TNS3: variants seen among roughly 807,000 people sequenced by gnomAD.
The protein encoded by TNS3 is tensin-3.
In TNS3, 45 loss-of-function variants were observed where a neutral mutation model predicts 140.9. The ratio of observed to expected loss-of-function variants is 0.32; its 90% CI spans 0.25 to 0.41. TNS3 has a LOEUF of 0.41. TNS3 is among the 10% of genes least tolerant of loss of function. TNS3 has a pLI of 1.00. For synonymous variants in TNS3, 815 were observed against 788.4 expected, an observed-to-expected ratio of 1.03 and a Z score of -0.56; for missense variants, 1,716 against 1,906.7, an observed-to-expected ratio of 0.90 and a Z score of 1.86.
intron 3 of TNS3, among the ~76,000 whole-genome samples, chr7:47,495,629 T>C (rs1289471183): frequency 1.3e-5 from 2 of 152,034 alleles, no homozygotes; most frequent in African/African-American, 2.4e-5. Context: ...AAGATCCCAC[T>C]GGGAACCTAC....
chr7:47,368,805 C>G lies in TNS3; in HGVS notation c.1841G>C (p.Arg614Pro). The stretch of plus-strand genomic sequence containing the variant: ...GAGGCCAGGATTGTCTGCAGGGCAG[C>G]GGCTCACCAGCCGGGCCTCCCCATC... ...APDGEARLVSRCPADNPGLVQ... is the reference protein window; with the variant it reads ...APDGEARLVSPCPADNPGLVQ... The change falls in exon 17 of 31, where the codon CGC becomes CCC. Residue 614 changes from arginine to proline, a missense_variant. This residue lies in a region of TNS3 where 1,163 missense variants were observed against 1,182.1 expected (regional missense o/e 0.98). Transcript: ENST00000311160. The G allele has an allele frequency of 6.2e-7, 1 of 1,608,638 alleles. No homozygotes were observed. The highest frequency in any genetic ancestry group is 1.1e-5 in the South Asian group (1 of 90,216).
chr7:47,448,557 G>A (rs181520960), intron 4 of TNS3, among the ~76,000 whole-genome samples: 21 of 145,560 alleles, frequency 1.4e-4, no homozygotes, highest in Admixed American at 1.2e-3. Context: ...TCGGCTCACT[G>A]CAACCTCTGC....
At chr7:47,380,117 C>T (rs527904201) in intron 16 of TNS3, among the ~76,000 whole-genome samples, 86 of 152,340 alleles carry the variant, frequency 5.6e-4, no homozygotes, top group African/African-American at 1.8e-3. Context: ...TGGAATGTGG[C>T]GATAAAGGAG....
intron 16 of TNS3, among the ~76,000 whole-genome samples, chr7:47,384,895 T>A (rs1030338974): frequency 6.6e-5 from 10 of 152,174 alleles, no homozygotes; most frequent in African/African-American, 2.2e-4. Context: ...GCCTCTGAAA[T>A]CACAGAGGCC....
intron 2 of TNS3, among the ~76,000 whole-genome samples, chr7:47,511,746 G>A (rs1014180295): frequency 4.6e-5 from 7 of 152,246 alleles, no homozygotes; most frequent in Admixed American, 4.6e-4. Flanking sequence ...ACGAAGCAAG[G>A]GAAAATGCCT....
At chr7:47,299,282 T>G (rs189410339) in intron 23 of TNS3, among the ~76,000 whole-genome samples, 1 of 151,662 alleles carries the variant, frequency 6.6e-6, no homozygotes, top group Non-Finnish European at 1.5e-5. Context: ...GGACTACAAG[T>G]GTACACCACC....
intron 1 of TNS3, among the ~76,000 whole-genome samples, chr7:47,554,984 C>T (rs960174116): frequency 4.0e-5 from 6 of 149,120 alleles, no homozygotes; most frequent in Admixed American, 3.3e-4. Context: ...GCCGAGATTG[C>T]GCCACTGCAC....
At chr7:47,420,687 C>G (rs1244427793) in intron 10 of TNS3, among the ~76,000 whole-genome samples, 1 of 152,208 alleles carries the variant, frequency 6.6e-6, no homozygotes, top group Non-Finnish European at 1.5e-5. Context: ...CATGTGCCCG[C>G]TTGGGTCTCT....
rs1799304467 is a variant in TNS3 at position 47,529,136 on chromosome 7, TAA to T, written c.-255_-254del. The T allele has an allele frequency of 7.8e-7, 1 of 1,277,686 alleles. No individual in the cohort carries two copies. Among genetic ancestry groups the T allele is most frequent in the Non-Finnish European group, 1.0e-6 (1 of 984,344 alleles). The allele number at this position is 1,277,686 out of a possible 1,614,324, so 79.1% of individuals were successfully genotyped here. On this transcript the variant is annotated 5_prime_UTR_variant, in exon 2 of 31. Coordinates refer to ENST00000311160, the MANE Select transcript of TNS3 (RefSeq NM_022748.12). ...TCTTAAAAGCGTGCAGACTCGAGGT[TAA>T]TTCTTCCGGCTGAAAAAGTAAAGGA...
intron 4 of TNS3, among the ~76,000 whole-genome samples, chr7:47,469,745 G>A (rs1008740708): frequency 2.6e-5 from 4 of 152,224 alleles, no homozygotes; most frequent in East Asian, 1.9e-4. Flanking sequence ...AGGCCAGGGC[G>A]GGCGGATCAC....
rs139216807 is a variant in TNS3, at chr7:47,550,997, C to A, written c.-264-21850G>T. Among the ~76,000 whole-genome samples, 1,243 of 152,292 alleles carry A rather than the reference C, an allele frequency of 8.2e-3. 17 individuals carry two copies. Among genetic ancestry groups the A allele is most frequent in the African/African-American group, 0.028 (1,180 of 41,562 alleles). ...CTGAGCACATCTCCCAAGTCTGCAC[C>A]CAGCCAAGGAACATGAGCTCACTCA... On this transcript the variant is annotated intron_variant, in intron 1 of 30. Coordinates refer to ENST00000311160, the MANE Select transcript of TNS3 (RefSeq NM_022748.12).
chr7:47,316,094 TTCTCTCTCTCTC>T (rs56939479), intron 20 of TNS3, among the ~76,000 whole-genome samples: 18,936 of 105,860 alleles, frequency 0.18, 1,449 homozygotes, highest in South Asian at 0.35. Flanking sequence ...AACTAACTAT[TTCTCTCTCTCTC>T]TCTCTCTCTC....
intron 17 of TNS3, among the ~76,000 whole-genome samples, chr7:47,351,844 C>T (rs1175686476): frequency 6.6e-6 from 1 of 152,174 alleles, no homozygotes; most frequent in African/African-American, 2.4e-5. Flanking sequence ...GGAGTGCTCC[C>T]TGGAGACTGG....
At chr7:47,340,585 C>CTTTTTTTTCTTTTTTTTTTTTT (rs1788948570) in intron 20 of TNS3, among the ~76,000 whole-genome samples, 7 of 134,856 alleles carry the variant, frequency 5.2e-5, no homozygotes, top group African/African-American at 1.9e-4. Context: ...TCTTTTTTTT[C>CTTTTTTTTCTTTTTTTTTTTTT]TTTTTTTTTT....
intron 18 of TNS3, among the ~76,000 whole-genome samples, chr7:47,345,578 C>T (rs1789286218): frequency 6.6e-6 from 1 of 152,206 alleles, no homozygotes; most frequent in Non-Finnish European, 1.5e-5. Context: ...AGAAATCCCA[C>T]CCAAGTCTAA....
At position 47,438,896 on chromosome 7, in the gene TNS3, A is replaced by G. The variant is rs111277202; in HGVS notation, c.150+591T>C. ...TTCAATCCCATTAGTGACTGTTGAC[A>G]GCAGAAGGAAGTCAGCCTCCACCTG... On this transcript the variant is annotated intron_variant, in intron 6 of 30. Transcript: ENST00000311160. Among the ~76,000 whole-genome samples, 605 of 152,316 alleles carry G rather than the reference A, an allele frequency of 4.0e-3. 3 individuals are homozygous for G. The highest frequency in any genetic ancestry group is 5.9e-3 in the Non-Finnish European group (404 of 68,020).
intron 1 of TNS3, chr7:47,539,453 T>A (rs1799720561): frequency 3.5e-6 from 1 of 284,472 alleles, no homozygotes; most frequent in Admixed American, 4.6e-5. Flanking sequence ...TCCGCATTCA[T>A]CAGCAGGCCG....
chr7:47,496,720 G>A (rs183691782), intron 3 of TNS3, among the ~76,000 whole-genome samples: 5 of 152,338 alleles, frequency 3.3e-5, no homozygotes, highest in East Asian at 1.9e-4. Context: ...GTACCTGCTC[G>A]TCAGGGGCTT....
chr7:47,302,959 G>A lies in TNS3; in HGVS notation c.3448C>T (p.Pro1150Ser). The change falls in exon 22 of 31, where the codon CCT becomes TCT. Residue 1150 changes from proline (P) to serine (S), a missense_variant. By Grantham distance (74) the Pro-to-Ser change is moderately conservative. Transcript: ENST00000311160. The stretch of plus-strand genomic sequence containing the variant: ...CTGGAAACACACCTACCTGGCAGAG[G>A]TGAGGCCGCTTCTGAAGCCTTGGAA... ...DFSKASEAAS[P>S]LPDSPGDKLV... The A allele has an allele frequency of 2.5e-6, 4 of 1,604,184 alleles. No homozygotes were observed. Among genetic ancestry groups the A allele is most frequent in the Non-Finnish European group, 3.4e-6 (4 of 1,173,486 alleles).
Sources: allele counts gnomAD v4.1 joint callset (sites outside exome capture counted in the v4.1 genomes callset), GRCh38; gene constraint gnomAD v4.1.1; regional missense constraint gnomAD v4.1.1; transcripts MANE v1.5; gene names NCBI Gene and HGNC (gene_info 2026-07-23, HGNC 2026-07-21).